ATP13A3: variants seen among roughly 807,000 people sequenced by gnomAD.
The protein encoded by ATP13A3 is ATPase 13A3.
A neutral mutation model predicts 158.1 loss-of-function variants in ATP13A3; 59 were observed. The ratio of observed to expected loss-of-function variants is 0.37; its 90% CI spans 0.30 to 0.46. ATP13A3 has a LOEUF of 0.46. Among genes scored for constraint, ATP13A3 ranks in the 20% least tolerant of loss-of-function variants. The pLI is 1.00. For synonymous variants in ATP13A3, 491 were observed against 504.3 expected (o/e 0.97, Z 0.35); for missense variants, 1,166 against 1,525.2 (o/e 0.76, Z 3.92).
chr3:194,410,324 A>AAAAAAAAAAAAAT (rs1560066814), intron 33 of ATP13A3, among the ~76,000 whole-genome samples: 1 of 145,808 alleles, frequency 6.9e-6, no homozygotes, highest in East Asian at 1.9e-4. Flanking sequence ...AAAAAAAAAA[A>AAAAAAAAAAAAAT]AAAAAAACTG....
intron 8 of ATP13A3, 150 bp downstream of exon 8, chr3:194,455,743 G>C (rs1719179586): frequency 8.6e-6 from 5 of 584,438 alleles, no homozygotes; most frequent in Non-Finnish European, 1.5e-5. Flanking sequence ...TTCTCTACCA[G>C]AGTAAATGTC....
At chr3:194,488,494 C>T, upstream of ATP13A3, 1 of 152,816 alleles carries the variant, frequency 6.5e-6, no homozygotes, top group Non-Finnish European at 1.5e-5. The surrounding 1 kb of genome is among the most constrained non-coding windows in gnomAD (Gnocchi z 4.1). Context: ...CCTCTGCTTC[C>T]TCATTTCTCA....
chr3:194,441,858 C>T (rs1033112637), intron 15 of ATP13A3, among the ~76,000 whole-genome samples: 2 of 152,166 alleles, frequency 1.3e-5, no homozygotes, highest in Non-Finnish European at 2.9e-5. Context: ...AAAAAATTCA[C>T]CCACAGACCT....
At chr3:194,414,306 T>C (rs1329565976) in intron 31 of ATP13A3, among the ~76,000 whole-genome samples, 1 of 151,628 alleles carries the variant, frequency 6.6e-6, no homozygotes, top group Non-Finnish European at 1.5e-5. Flanking sequence ...CTACTAAAAA[T>C]ACAAAAATTA....
chr3:194,408,262 T>C (rs13062435), intron 33 of ATP13A3, among the ~76,000 whole-genome samples: 48,835 of 152,040 alleles, frequency 0.32, 9,672 homozygotes, highest in African/African-American at 0.56. Flanking sequence ...CCGTGATCCA[T>C]CCACCTCAGC....
intron 2 of ATP13A3, among the ~76,000 whole-genome samples, chr3:194,476,730 C>T (rs1393754690): frequency 6.6e-6 from 1 of 151,648 alleles, no homozygotes; most frequent in African/African-American, 2.4e-5. Flanking sequence ...TAGCAATTCC[C>T]AAACTGGTAA....
chr3:194,457,978 G>A (rs1719355103), intron 6 of ATP13A3, among the ~76,000 whole-genome samples: 2 of 151,842 alleles, frequency 1.3e-5, no homozygotes, highest in Non-Finnish European at 1.5e-5. Flanking sequence ...TAGAGAAGGG[G>A]TTTCACCACG....
chr3:194,432,194 C>T (rs192717132), intron 21 of ATP13A3, among the ~76,000 whole-genome samples: 4 of 152,324 alleles, frequency 2.6e-5, no homozygotes, highest in East Asian at 3.9e-4. Flanking sequence ...ATACCTGGCA[C>T]GGTGCTACAC....
chr3:194,407,745 C>T (rs2108696054), intron 33 of ATP13A3, among the ~76,000 whole-genome samples: 1 of 152,216 alleles, frequency 6.6e-6, no homozygotes, highest in East Asian at 1.9e-4. Flanking sequence ...AGCCTTTTTA[C>T]TGTCATAACT....
At chr3:194,429,864 A>T in intron 26 of ATP13A3, 90 bp from the exon 27 acceptor site, 2 of 1,196,172 alleles carry the variant, frequency 1.7e-6, no homozygotes, top group South Asian at 2.7e-5. Flanking sequence ...GATGAACATC[A>T]ACATTCAACG....
chr3:194,409,693 A>ATTTTTTTTTTTTTTTTTTTTTTTTTTTT (rs71179358), intron 33 of ATP13A3, among the ~76,000 whole-genome samples: 8 of 93,994 alleles, frequency 8.5e-5, no homozygotes, highest in African/African-American at 2.5e-4. Flanking sequence ...GACGTAAAGA[A>ATTTTTTTTTTTTTTTTTTTTTTTTTTTT]TTTTTTTTTT....
chr3:194,424,006 C>T (rs1335089360), intron 30 of ATP13A3, among the ~76,000 whole-genome samples: 1 of 151,126 alleles, frequency 6.6e-6, no homozygotes, highest in Non-Finnish European at 1.5e-5. Context: ...TCAACATTTC[C>T]TTGAAATTTA....
chr3:194,407,901 T>C (rs780222859), intron 33 of ATP13A3, among the ~76,000 whole-genome samples: 13 of 152,122 alleles, frequency 8.5e-5, no homozygotes, highest in South Asian at 2.1e-4. Context: ...ACAACAAACG[T>C]AATATTTCAT....
chr3:194,465,271 G>A (rs1313741297), intron 2 of ATP13A3, among the ~76,000 whole-genome samples: 1 of 152,168 alleles, frequency 6.6e-6, no homozygotes, highest in African/African-American at 2.4e-5. Context: ...GAGTTTGGGA[G>A]ATGAAACTGG....
rs147042103 is a variant in ATP13A3, at chr3:194,405,946, T to C, written c.3744A>G (p.Gly1248=). The C allele has an allele frequency of 2.4e-4, 391 of 1,614,122 alleles. No individual in the cohort carries two copies. The highest frequency in any genetic ancestry group is 9.9e-4 in the Middle Eastern group (6 of 6,062). The change falls in exon 34 of 34, where the codon GGA becomes GGG. Residue 1248 remains glycine, a synonymous_variant. Transcript: ENST00000645319. ...ATGTTATGGTGATGATTTGACATGA[T>C]CCATTCTCCTTAACTAAAGCTTTAG... ...TEAKALVKEN[G]SCQIITIT is the part of the protein sequence containing the mutation.
intron 2 of ATP13A3, among the ~76,000 whole-genome samples, chr3:194,480,181 C>T (rs10933655): frequency 0.074 from 11,230 of 152,160 alleles, 993 homozygotes; most frequent in African/African-American, 0.21. Flanking sequence ...TACCCTTTAT[C>T]ACCTCTATCT....
chr3:194,404,870 T>C lies in ATP13A3; in HGVS notation c.*1049A>G, dbSNP rs1577015365. On this transcript the variant is annotated 3_prime_UTR_variant, in exon 34 of 34. Coordinates refer to ENST00000645319, the MANE Select transcript of ATP13A3 (RefSeq NM_001367549.1). ...ATAAAACAAACTCATCAAATTCATATTGCTTTGAAAAAACGGCAGCCATTC... is the reference window on the plus strand; with the variant it reads ...ATAAAACAAACTCATCAAATTCATACTGCTTTGAAAAAACGGCAGCCATTC... 1 of 152,290 alleles carries C rather than the reference T, an allele frequency of 6.6e-6. No homozygotes were observed. Among genetic ancestry groups the C allele is most frequent in the South Asian group, 2.1e-4 (1 of 4,824 alleles). 9.4% of individuals were successfully genotyped at this position (152,290 alleles called of 1,614,324 possible). A position where few individuals can be genotyped will look rare whatever the true frequency, so the allele number is the denominator to read the frequency against.
At chr3:194,446,845 G>T in intron 14 of ATP13A3, 82 bp downstream of exon 14, 1 of 1,332,598 alleles carries the variant, frequency 7.5e-7, no homozygotes, top group South Asian at 1.5e-5. Context: ...CAAATTTGTT[G>T]ACAAAGAAAA....
chr3:194,403,151 A>T lies in ATP13A3; in HGVS notation c.*2768T>A, dbSNP rs909459415. The T allele has an allele frequency of 6.6e-6, 1 of 152,222 alleles. No homozygotes were observed. Among genetic ancestry groups the T allele is most frequent in the Non-Finnish European group, 1.5e-5 (1 of 68,036 alleles). The allele number at this position is 152,222 out of a possible 1,614,324, so 9.4% of individuals were successfully genotyped here. On this transcript the variant is annotated 3_prime_UTR_variant, in exon 34 of 34. Transcript: ENST00000645319. Reference sequence around the variant, plus strand: ...TAGCTGTTTCTGTAACAGACTACATAAACATTGATATATTATTTACCATGC... The same window carrying T: ...TAGCTGTTTCTGTAACAGACTACATTAACATTGATATATTATTTACCATGC...
Sources: allele counts gnomAD v4.1 joint callset (sites outside exome capture counted in the v4.1 genomes callset), GRCh38; gene constraint gnomAD v4.1.1; non-coding constraint Gnocchi (gnomAD v3.1); transcripts MANE v1.5; gene names NCBI Gene and HGNC (gene_info 2026-07-23, HGNC 2026-07-21).